ARHGAP26: variants seen among roughly 807,000 people sequenced by gnomAD.
ARHGAP26 encodes the protein rho GTPase-activating protein 26.
In ARHGAP26, 38 loss-of-function variants were observed where a neutral mutation model predicts 104.8. The observed-to-expected ratio is 0.36, with a 90% confidence interval of 0.28 to 0.48. The LOEUF (loss-of-function observed/expected upper bound fraction) is 0.48, where lower values mean the gene tolerates loss of function less well. Among genes scored for constraint, ARHGAP26 ranks in the 20% least tolerant of loss-of-function variants. The probability of loss-of-function intolerance (pLI) is 0.99; values close to 1 mark genes in which losing one functional copy is unlikely to be tolerated. For missense variants in ARHGAP26, 704 were observed against 947.9 expected (o/e 0.74, Z 3.38); for synonymous variants, 341 against 340.0 (o/e 1.00, Z -0.03).
At position 142,794,411 on chromosome 5, in the gene ARHGAP26, C is replaced by T. The variant is rs13167954; in HGVS notation, c.154+23496C>T. ...AGAGGCCAAGGCAACGCAGTTACTC[C>T]ACACTGGCATAAGTAAATTGAGCAC... On this transcript the variant is annotated intron_variant, in intron 1 of 22. Coordinates refer to ENST00000645722, the MANE Select transcript of ARHGAP26 (RefSeq NM_001135608.3). 3.9e-3 allele frequency among the ~76,000 whole-genome samples: 589 copies of T among 152,286 alleles called. 1 individual carries two copies. Among genetic ancestry groups the T allele is most frequent in the Non-Finnish European group, 6.8e-3 (463 of 68,020 alleles).
chr5:143,138,607 T>G (rs2150929274), intron 19 of ARHGAP26, among the ~76,000 whole-genome samples: 1 of 152,292 alleles, frequency 6.6e-6, no homozygotes, highest in Non-Finnish European at 1.5e-5. Context: ...TCTCTGTGAG[T>G]AGCAGTGGGC....
rs200494430 is a variant in ARHGAP26 at position 142,913,234 on chromosome 5, A to G, written c.969A>G (p.Thr323=). The G allele has an allele frequency of 6.2e-7, 1 of 1,614,174 alleles. No individual in the cohort carries two copies. The highest frequency in any genetic ancestry group is 8.5e-7 in the Non-Finnish European group (1 of 1,180,002). The change falls in exon 10 of 23, where the codon ACA becomes ACG. Residue 323 remains threonine, a synonymous_variant. Transcript: ENST00000645722. ...AATCAGTTATCCTCAAATCCTGCAC[A>G]CGGCGGAAAACAGACTCCATTGAGA... ...EDESVILKSC[T]RRKTDSIEKR... is the part of the protein sequence containing the mutation.
At chr5:142,891,656 T>C (rs2152425173) in intron 5 of ARHGAP26, among the ~76,000 whole-genome samples, 1 of 152,030 alleles carries the variant, frequency 6.6e-6, no homozygotes, top group Admixed American at 6.5e-5. Flanking sequence ...AGGGGTCTGT[T>C]CCAAGTTTCT....
chr5:142,798,972 C>T (rs1434403775), intron 1 of ARHGAP26, among the ~76,000 whole-genome samples: 1 of 152,170 alleles, frequency 6.6e-6, no homozygotes, highest in Non-Finnish European at 1.5e-5. Flanking sequence ...CAGTAGCTGC[C>T]TGGCAGCTTT....
intron 17 of ARHGAP26, among the ~76,000 whole-genome samples, chr5:143,101,378 T>C (rs1286722834): frequency 6.6e-6 from 1 of 152,196 alleles, no homozygotes; most frequent in East Asian, 1.9e-4. Flanking sequence ...TGTGGCCCCA[T>C]ACACCTTCTA....
chr5:143,158,946 T>G (rs942704206), intron 20 of ARHGAP26, among the ~76,000 whole-genome samples: 2 of 152,190 alleles, frequency 1.3e-5, no homozygotes, highest in African/African-American at 4.8e-5. Flanking sequence ...AGAAGAAACT[T>G]TGGTGCATTC....
intron 11 of ARHGAP26, among the ~76,000 whole-genome samples, chr5:142,955,122 A>ACACC (rs1422636332): frequency 6.6e-6 from 1 of 151,100 alleles, no homozygotes; most frequent in Non-Finnish European, 1.5e-5. Flanking sequence ...ACACACACAC[A>ACACC]CACCCCCCAT....
Position 142,875,093 on chromosome 5 carries a change from C to T in ARHGAP26, c.251-17C>T. ...CATGACACTCCTTCCACCTCATGGC[C>T]CCTTTCTGTTTTCCAGCAAGATCTT... On this transcript the variant is annotated splice_polypyrimidine_tract_variant and intron_variant, in intron 2 of 22. Coordinates refer to ENST00000645722, the MANE Select transcript of ARHGAP26 (RefSeq NM_001135608.3). 6.2e-7 allele frequency: 1 copy of T among 1,612,524 alleles called. No homozygotes were observed. The highest frequency in any genetic ancestry group is 8.5e-7 in the Non-Finnish European group (1 of 1,178,828).
intron 1 of ARHGAP26, among the ~76,000 whole-genome samples, chr5:142,862,622 T>C (rs955427694): frequency 6.6e-6 from 1 of 152,232 alleles, no homozygotes; most frequent in Non-Finnish European, 1.5e-5. Context: ...AACCAAGTTC[T>C]GGGTTCTGTC....
intron 11 of ARHGAP26, among the ~76,000 whole-genome samples, chr5:143,001,187 G>T (rs967334351): frequency 6.6e-6 from 1 of 152,248 alleles, no homozygotes; most frequent in African/African-American, 2.4e-5. Flanking sequence ...TGAGGGGTGG[G>T]AGTAAGATGG....
At chr5:143,106,435 A>G (rs1274883715) in intron 17 of ARHGAP26, among the ~76,000 whole-genome samples, 5 of 147,586 alleles carry the variant, frequency 3.4e-5, no homozygotes, top group African/African-American at 9.9e-5. Context: ...TGGAAAAGGA[A>G]GTGAACTCCT....
rs1477529040 is a variant in ARHGAP26, at chr5:143,061,166, T to G, written c.1538+3419T>G. On this transcript the variant is annotated intron_variant, in intron 17 of 22. Coordinates refer to ENST00000645722, the MANE Select transcript of ARHGAP26 (RefSeq NM_001135608.3). ...AGATAGCTGTGGATCCTTGTGCCAA[T>G]TTTTCTACCTCTTTGAGCCTCAGTT... is the stretch of plus-strand genomic sequence containing the variant. Among the ~76,000 whole-genome samples the G allele has an allele frequency of 3.3e-5, 5 of 152,228 alleles. No individual in the cohort carries two copies. The East Asian group carries it at 7.7e-4, about 23-fold the overall frequency.
At chr5:142,980,530 A>G (rs1332517181) in intron 11 of ARHGAP26, among the ~76,000 whole-genome samples, 1 of 151,964 alleles carries the variant, frequency 6.6e-6, no homozygotes, top group African/African-American at 2.4e-5. Flanking sequence ...CTGGGATTAC[A>G]GGTGCCCACC....
chr5:143,050,947 G>A (rs987181988), intron 14 of ARHGAP26, among the ~76,000 whole-genome samples: 2 of 152,186 alleles, frequency 1.3e-5, no homozygotes, highest in African/African-American at 4.8e-5. Flanking sequence ...TCCTAAGACT[G>A]GGTCTTGAGC....
chr5:143,203,326 C>T (rs1208723950), intron 20 of ARHGAP26: 1 of 152,210 alleles, frequency 6.6e-6, no homozygotes, highest in Non-Finnish European at 1.5e-5. Context: ...AAAAAACACT[C>T]ATCATCACTG....
chr5:142,993,074 CAGGTTCA>C (rs1775862459), intron 11 of ARHGAP26, among the ~76,000 whole-genome samples: 1 of 151,894 alleles, frequency 6.6e-6, no homozygotes, highest in Non-Finnish European at 1.5e-5. Flanking sequence ...CTCCACCTCC[CAGGTTCA>C]AGCAATTCTC....
intron 1 of ARHGAP26, among the ~76,000 whole-genome samples, chr5:142,824,673 G>A (rs1766869576): frequency 1.3e-5 from 2 of 152,180 alleles, no homozygotes; most frequent in South Asian, 4.1e-4. Flanking sequence ...TAACTCTTGA[G>A]ACACCCACAG....
intron 14 of ARHGAP26, among the ~76,000 whole-genome samples, chr5:143,051,062 T>G (rs1245728500): frequency 1.3e-5 from 2 of 151,314 alleles, no homozygotes; most frequent in East Asian, 1.9e-4. Flanking sequence ...TGTATATCTG[T>G]TTTTTTTTCT....
intron 10 of ARHGAP26, among the ~76,000 whole-genome samples, chr5:142,931,588 C>G (rs1764724400): frequency 1.3e-5 from 2 of 152,288 alleles, no homozygotes; most frequent in East Asian, 3.9e-4. Context: ...AAGCAGTGGA[C>G]TAGATATTAG....
Sources: gnomAD v4.1 joint callset for allele counts (sites outside exome capture counted in the v4.1 genomes callset) on GRCh38, gnomAD v4.1.1 for gene constraint, MANE v1.5 for transcripts, NCBI Gene and HGNC (gene_info 2026-07-23, HGNC 2026-07-21) for gene names.